Variants in PLAGL1 observed in about 807,000 individuals in gnomAD.
PLAGL1 encodes zinc finger protein PLAGL1.
PLAGL1 carries 1 observed loss-of-function variant against 4.6 expected under a neutral mutation model. The observed-to-expected ratio is 0.22, with a 90% confidence interval of 0.08 to 1.03. PLAGL1 has a LOEUF of 1.03. Among genes scored for constraint, PLAGL1 ranks in the 50% least tolerant of loss-of-function variants. The pLI, the probability that PLAGL1 is intolerant of heterozygous loss-of-function variation, is 0.58. For missense variants in PLAGL1, 464 were observed against 570.4 expected (o/e 0.81, Z 1.90); for synonymous variants, 240 against 237.8 (o/e 1.01, Z -0.08).
chr6:144,038,139 C>T (rs879727452), intron 1 of PLAGL1, among the ~76,000 whole-genome samples: 3 of 152,238 alleles, frequency 2.0e-5, no homozygotes, highest in Admixed American at 6.5e-5. Flanking sequence ...CTGATGAAAG[C>T]GATAAGCCTG....
rs986100606 is a variant in PLAGL1, at chr6:143,973,738, T to G, written c.-543-4760A>C. Among the ~76,000 whole-genome samples, 1 of 152,328 alleles carries G rather than the reference T, an allele frequency of 6.6e-6. No homozygotes were observed. The highest frequency in any genetic ancestry group is 2.4e-5 in the African/African-American group (1 of 41,580). ...AGCCTCTATTAGTTCACTGCTGTGCTAAAGCCAGTCGGCTACACCCAATAA... is the reference window on the plus strand; with the variant it reads ...AGCCTCTATTAGTTCACTGCTGTGCGAAAGCCAGTCGGCTACACCCAATAA... On this transcript the variant is annotated intron_variant, in intron 2 of 7. Coordinates refer to ENST00000674357, the MANE Select transcript of PLAGL1 (RefSeq NM_001317162.2). This position sits in a 1 kb window ranked among gnomAD's most constrained non-coding sequence, Gnocchi z 6.2.
chr6:144,002,428 A>C (rs768867116), intron 1 of PLAGL1, among the ~76,000 whole-genome samples: 8 of 152,176 alleles, frequency 5.3e-5, no homozygotes, highest in Non-Finnish European at 1.0e-4. Context: ...CAGCCAGTGC[A>C]ATAAGGCAAG....
chr6:144,045,420 A>G (rs1002213036), intron 1 of PLAGL1, among the ~76,000 whole-genome samples: 1 of 152,006 alleles, frequency 6.6e-6, no homozygotes, highest in African/African-American at 2.4e-5. Context: ...TCTGTAAAGG[A>G]TTTTATTTCT....
chr6:143,952,523 G>A lies in PLAGL1; in HGVS notation c.-324-4063C>T, dbSNP rs558036348. On this transcript the variant is annotated intron_variant, in intron 6 of 7. Transcript: ENST00000674357. The surrounding 1 kb of genome is among the most constrained non-coding windows in gnomAD (Gnocchi z 6.1). The stretch of plus-strand genomic sequence containing the variant: ...AAAGAAGGCTTGTGCCATCTGCTTC[G>A]TTCTGCTCATGTTGATTATTTTGGG... Among the ~76,000 whole-genome samples, 8 of 152,250 alleles carry A rather than the reference G, an allele frequency of 5.3e-5. No homozygotes were observed. The South Asian group carries it at 6.2e-4, about 12-fold the overall frequency.
intron 1 of PLAGL1, among the ~76,000 whole-genome samples, chr6:144,049,619 AACTC>A (rs1798435510): frequency 6.6e-6 from 1 of 152,026 alleles, no homozygotes. Context: ...ATCTTGTGAG[AACTC>A]ACTCACTATC....
intron 1 of PLAGL1, among the ~76,000 whole-genome samples, chr6:144,043,621 T>C (rs945496891): frequency 6.6e-6 from 1 of 152,230 alleles, no homozygotes; most frequent in African/African-American, 2.4e-5. Context: ...ATCAGGGATA[T>C]TGGTCTAAAA....
chr6:144,064,227 G>A lies in PLAGL1; in HGVS notation c.-151+241C>T, dbSNP rs1211002302. Reference sequence around the variant, plus strand: ...CGGAGAAAAGGGAAGCGCGCCCCAAGCCGCACAAAGGTGGCCGCCGGTGTC... The same window carrying A: ...CGGAGAAAAGGGAAGCGCGCCCCAAACCGCACAAAGGTGGCCGCCGGTGTC... On this transcript the variant is annotated intron_variant, in intron 1 of 3. Coordinates refer to the PLAGL1 transcript ENST00000437412. The surrounding 1 kb of genome is among the most constrained non-coding windows in gnomAD (Gnocchi z 6.8). 6.6e-6 allele frequency among the ~76,000 whole-genome samples: 1 copy of A among 152,080 alleles called. No individual in the cohort carries two copies. Among genetic ancestry groups the A allele is most frequent in the African/African-American group, 2.4e-5 (1 of 41,426 alleles).
chr6:144,001,082 C>G (rs897385756), intron 1 of PLAGL1, among the ~76,000 whole-genome samples: 6 of 151,640 alleles, frequency 4.0e-5, no homozygotes, highest in African/African-American at 1.5e-4. Context: ...GGAATCAAGA[C>G]ATTTTGGAGA....
rs896163062 is a variant in PLAGL1, at chr6:143,982,834, T to C, written c.-544+2301A>G. Among the ~76,000 whole-genome samples, 3 of 152,068 alleles carry C rather than the reference T, an allele frequency of 2.0e-5. No individual in the cohort carries two copies. Among genetic ancestry groups the C allele is most frequent in the Non-Finnish European group, 4.4e-5 (3 of 68,022 alleles). ...GCTACTTAGGATGAAGGAAGTTTGG[T>C]TGGGAACAGAGAAGAACTCAGGAGC... is the stretch of plus-strand genomic sequence containing the variant. On this transcript the variant is annotated intron_variant, in intron 2 of 7. Coordinates refer to ENST00000674357, the MANE Select transcript of PLAGL1 (RefSeq NM_001317162.2). The surrounding 1 kb of genome is among the most constrained non-coding windows in gnomAD (Gnocchi z 5.3).
rs1057503894 is a variant in PLAGL1, at chr6:143,966,575, G to A, written c.-471-377C>T. ...CATAAGATGACTATGATCTTAATGC[G>A]GTTTCAATTTACATGGTGATTGTGT... On this transcript the variant is annotated intron_variant, in intron 3 of 7. Transcript: ENST00000674357. This position sits in a 1 kb window ranked among gnomAD's most constrained non-coding sequence, Gnocchi z 6.0. 2 of 152,072 alleles carry A rather than the reference G, an allele frequency of 1.3e-5. No homozygotes were observed. Among genetic ancestry groups the A allele is most frequent in the African/African-American group, 2.4e-5 (1 of 41,406 alleles). 9.4% of individuals were successfully genotyped at this position (152,072 alleles called of 1,614,324 possible).
intron 1 of PLAGL1, among the ~76,000 whole-genome samples, chr6:144,017,966 G>C (rs556293700): frequency 2.0e-5 from 3 of 152,146 alleles, no homozygotes; most frequent in African/African-American, 4.8e-5. Context: ...GTTCAAGATT[G>C]TAATCATTTT....
chr6:144,034,751 G>A lies in PLAGL1; in HGVS notation c.-151+29717C>T, dbSNP rs1190139107. 6.6e-6 allele frequency among the ~76,000 whole-genome samples: 1 copy of A among 152,112 alleles called. No homozygotes were observed. Among genetic ancestry groups the A allele is most frequent in the Non-Finnish European group, 1.5e-5 (1 of 68,028 alleles). On this transcript the variant is annotated intron_variant, in intron 1 of 3. Transcript: ENST00000437412. The surrounding 1 kb of genome is among the most constrained non-coding windows in gnomAD (Gnocchi z 4.7). ...TTGAAAAAAAAAATCTTCCTTGGAG[G>A]GGACTGTCATCTTACATAGCTGACA... is the stretch of plus-strand genomic sequence containing the variant.
At position 143,941,985 on chromosome 6, in the gene PLAGL1, C is replaced by A. The variant is rs776698636; in HGVS notation, c.831G>T (p.Pro277=). Residue 277 remains proline, a synonymous_variant, in exon 8 of 8, where the codon CCG becomes CCT. Transcript: ENST00000674357. This position sits in a 1 kb window ranked among gnomAD's most constrained non-coding sequence, Gnocchi z 6.0. The part of the protein sequence containing the change: ...PPEQAAQPMQ[P]LPESLASLHP... ...GGAGGGAGGCCAGGGACTCTGGCAG[C>A]GGCTGCATAGGCTGGGCGGCTTGTT... The A allele has an allele frequency of 6.3e-7, 1 of 1,593,612 alleles. No homozygotes were observed. Among genetic ancestry groups the A allele is most frequent in the South Asian group, 1.1e-5 (1 of 87,118 alleles).
At position 143,983,277 on chromosome 6, in the gene PLAGL1, G is replaced by T. The variant is rs568830717; in HGVS notation, c.-544+1858C>A. ...TGGTTGAGTTTGCAATATGAAGGTCGCTGGTGACACTTGAGAACTTTGGTG... is the reference window on the plus strand; with the variant it reads ...TGGTTGAGTTTGCAATATGAAGGTCTCTGGTGACACTTGAGAACTTTGGTG... On this transcript the variant is annotated intron_variant, in intron 2 of 7. Coordinates refer to ENST00000674357, the MANE Select transcript of PLAGL1 (RefSeq NM_001317162.2). The surrounding 1 kb of genome is among the most constrained non-coding windows in gnomAD (Gnocchi z 6.6). Among the ~76,000 whole-genome samples, 2 of 152,166 alleles carry T rather than the reference G, an allele frequency of 1.3e-5. No homozygotes were observed. The highest frequency in any genetic ancestry group is 4.8e-5 in the African/African-American group (2 of 41,440).
In PLAGL1 at chr6:143,975,246, C is replaced by A. The variant is rs967768852; in HGVS notation, c.-543-6268G>T. On this transcript the variant is annotated intron_variant, in intron 2 of 7. Transcript: ENST00000674357. The surrounding 1 kb of genome is among the most constrained non-coding windows in gnomAD (Gnocchi z 5.8). ...ACCAAGGTTATATTAAATAAGTCATCCTAGTTTTTGAGGCCAATGGGTTGT... is the reference window on the plus strand; with the variant it reads ...ACCAAGGTTATATTAAATAAGTCATACTAGTTTTTGAGGCCAATGGGTTGT... Among the ~76,000 whole-genome samples, 1 of 152,172 alleles carries A rather than the reference C, an allele frequency of 6.6e-6. No homozygotes were observed. The highest frequency in any genetic ancestry group is 1.5e-5 in the Non-Finnish European group (1 of 68,022).
At position 144,063,454 on chromosome 6, in the gene PLAGL1, G is replaced by A. The variant is rs1196813674; in HGVS notation, c.-151+1014C>T. Among the ~76,000 whole-genome samples, 2 of 152,184 alleles carry A rather than the reference G, an allele frequency of 1.3e-5. No individual in the cohort carries two copies. The highest frequency in any genetic ancestry group is 2.9e-5 in the Non-Finnish European group (2 of 68,032). On this transcript the variant is annotated intron_variant, in intron 1 of 3. Coordinates refer to the PLAGL1 transcript ENST00000437412. This position sits in a 1 kb window ranked among gnomAD's most constrained non-coding sequence, Gnocchi z 5.7. ...ACGTGATTCAGGACATCTGGGGTGG[G>A]CCCAATAGGTGTGTTCTGAAAAGCT...
In PLAGL1 at chr6:143,958,899, CTTTTCACCTTAAGTCTT is replaced by C. The variant is rs1782747063; in HGVS notation, c.-325+1553_-325+1569del. 6.6e-6 allele frequency among the ~76,000 whole-genome samples: 1 copy of C among 152,188 alleles called. No individual in the cohort carries two copies. On this transcript the variant is annotated intron_variant, in intron 6 of 7. Transcript: ENST00000674357. The surrounding 1 kb of genome is among the most constrained non-coding windows in gnomAD (Gnocchi z 5.1). ...ACACTAGCAAGCAGGGCCTCTTCTCCTTTTCACCTTAAGTCTTTTTTCTCTCCCATTCACAGCTTTAG... is the reference window on the plus strand; with the variant it reads ...ACACTAGCAAGCAGGGCCTCTTCTCCTTTTCTCTCCCATTCACAGCTTTAG...
rs369382107 is a variant in PLAGL1, at chr6:144,062,656, C to T, written c.-151+1812G>A. On this transcript the variant is annotated intron_variant, in intron 1 of 3. Transcript: ENST00000437412. ...CACGCAGCACTTTGTTCATTTTCTA[C>T]CTTAGTTATCATCGTAGCCGGGTTA... Among the ~76,000 whole-genome samples the T allele has an allele frequency of 1.4e-4, 21 of 152,192 alleles. No individual in the cohort carries two copies. In the East Asian group the frequency reaches 3.9e-3, roughly 28 times the overall value.
In PLAGL1 at chr6:143,941,771, A is replaced by T; in HGVS notation, c.1045T>A (p.Phe349Ile). ...PQSPQKLNPG[F>I]DLAKGNAGKV... ...CCAGCATTTCCCTTAGCCAGATCAAAACCTGGGTTGAGCTTTTGAGGTGAC... is the reference window on the plus strand; with the variant it reads ...CCAGCATTTCCCTTAGCCAGATCAATACCTGGGTTGAGCTTTTGAGGTGAC... Residue 349 changes from phenylalanine (F) to isoleucine (I), a missense_variant, in exon 8 of 8, where the codon TTT becomes ATT. Transcript: ENST00000674357. This position sits in a 1 kb window ranked among gnomAD's most constrained non-coding sequence, Gnocchi z 6.0. 6.2e-7 allele frequency: 1 copy of T among 1,614,242 alleles called. No homozygotes were observed. Among genetic ancestry groups the T allele is most frequent in the Non-Finnish European group, 8.5e-7 (1 of 1,180,046 alleles).
Sources: allele counts gnomAD v4.1 joint callset (sites outside exome capture counted in the v4.1 genomes callset), GRCh38; gene constraint gnomAD v4.1.1; non-coding constraint Gnocchi (gnomAD v3.1); transcripts MANE v1.5; gene names NCBI Gene and HGNC (gene_info 2026-07-23, HGNC 2026-07-21).